Variants in ANK3 observed in about 807,000 individuals in gnomAD.
ANK3 encodes ankyrin 3.
ANK3 carries 57 observed loss-of-function variants against 370.9 expected under a neutral mutation model. That is an observed-to-expected ratio of 0.15 (90% confidence interval 0.12 to 0.19). The LOEUF is 0.19. Among genes scored for constraint, ANK3 ranks in the 10% least tolerant of loss-of-function variants. The pLI is 1.00. For synonymous variants in ANK3, 1,929 were observed against 1,946.3 expected, an observed-to-expected ratio of 0.99 and a Z score of 0.23; for missense variants, 4,439 against 5,302.1, an observed-to-expected ratio of 0.84 and a Z score of 5.06.
Position 60,075,541 on chromosome 10 carries a change from T to C in ANK3, c.5340A>G (p.Ser1780=). The change falls in exon 37 of 44, where the codon TCA becomes TCG. Residue 1780 remains serine, a synonymous_variant. Coordinates refer to ENST00000280772, the MANE Select transcript of ANK3 (RefSeq NM_020987.5). The part of the protein sequence containing the change: ...TTAMPFSPLR[S]YVSAAPSAFQ... ...AAGCTGATGGTGCTGCAGAAACATA[T>C]GACCTGAGTGGGGAAAATGGCATTG... 1 of 1,613,998 alleles carries C rather than the reference T, an allele frequency of 6.2e-7. No homozygotes were observed. The highest frequency in any genetic ancestry group is 8.5e-7 in the Non-Finnish European group (1 of 1,180,002).
At position 60,099,000 on chromosome 10, in the gene ANK3, T is replaced by G. The variant is rs576343207; in HGVS notation, c.3328+6905A>C. Among the ~76,000 whole-genome samples, 24 of 152,344 alleles carry G rather than the reference T, an allele frequency of 1.6e-4. 1 individual carries two copies. In the South Asian group the frequency reaches 4.8e-3, roughly 30 times the overall value. ...TTAAAGCTATTTTTAGAAGATTAAT[T>G]TTTAATCATTATGTGCTTATGAGAT... is the stretch of plus-strand genomic sequence containing the variant. On this transcript the variant is annotated intron_variant, in intron 28 of 43. Transcript: ENST00000280772.
intron 24 of ANK3, among the ~76,000 whole-genome samples, chr10:60,134,682 T>C (rs929477290): frequency 2.0e-5 from 3 of 152,204 alleles, no homozygotes; most frequent in African/African-American, 4.8e-5. Context: ...TGATTCTAGA[T>C]AGTTGACAGA....
intron 1 of ANK3, among the ~76,000 whole-genome samples, chr10:60,380,803 G>T (rs1313884050): frequency 6.6e-6 from 1 of 152,178 alleles, no homozygotes; most frequent in Non-Finnish European, 1.5e-5. Context: ...TAAGACAAGT[G>T]GGAGCGTTTG....
At chr10:60,437,862 T>G (rs1340504826) in intron 2 of ANK3, among the ~76,000 whole-genome samples, 1 of 152,172 alleles carries the variant, frequency 6.6e-6, no homozygotes, top group Non-Finnish European at 1.5e-5. Flanking sequence ...AAGTGAGACT[T>G]GATTTGAAGT....
At chr10:60,676,008 C>T (rs58862756) in intron 1 of ANK3, among the ~76,000 whole-genome samples, 7,974 of 151,948 alleles carry the variant, frequency 0.052, 293 homozygotes, top group African/African-American at 0.088. Flanking sequence ...TATATCTAAA[C>T]ACAGGCTCTC....
intron 34 of ANK3, 21 bp downstream of exon 34, chr10:60,082,594 T>C (rs1201970927): frequency 1.2e-6 from 2 of 1,609,720 alleles, no homozygotes; most frequent in Non-Finnish European, 1.7e-6. Flanking sequence ...AAAGACAATT[T>C]AAAGCAGTAT....
At chr10:60,176,194 AAC>A (rs1345673664) in intron 18 of ANK3, among the ~76,000 whole-genome samples, 1 of 141,546 alleles carries the variant, frequency 7.1e-6, no homozygotes, top group Non-Finnish European at 1.5e-5. Context: ...AAAAAAAAAA[AAC>A]AAAAAAAAAC....
intron 4 of ANK3, among the ~76,000 whole-genome samples, chr10:60,274,069 C>T (rs1335428598): frequency 2.0e-5 from 3 of 152,112 alleles, no homozygotes; most frequent in Admixed American, 6.6e-5. Flanking sequence ...TTAACATGGG[C>T]TCAAGCGATT....
At chr10:60,124,643 T>C (rs2093665229) in intron 25 of ANK3, among the ~76,000 whole-genome samples, 2 of 152,254 alleles carry the variant, frequency 1.3e-5, no homozygotes, top group Non-Finnish European at 2.9e-5. Flanking sequence ...CTTTGCAAAA[T>C]ACTTGTCTAC....
In ANK3 at chr10:60,407,754, TA is replaced by T. The variant is rs2063483531; in HGVS notation, c.97-128116del. 2.0e-5 allele frequency among the ~76,000 whole-genome samples: 3 copies of T among 152,208 alleles called. No individual in the cohort carries two copies. The South Asian group carries it at 6.2e-4, about 31-fold the overall frequency. On this transcript the variant is annotated intron_variant, in intron 2 of 43. Coordinates refer to the ANK3 transcript ENST00000373827. The stretch of plus-strand genomic sequence containing the variant: ...GGGCTCAGAAATGGCACAGATCAGA[TA>T]TAGCAAATTATCTGAAGACTGTCAA...
chr10:60,250,889 G>A (rs1213530711), intron 7 of ANK3, among the ~76,000 whole-genome samples: 1 of 152,190 alleles, frequency 6.6e-6, no homozygotes, highest in Non-Finnish European at 1.5e-5. Flanking sequence ...CAGAACACAA[G>A]AGGCTGCTGT....
rs752876086 is a variant in ANK3, at chr10:60,074,264, T to C, written c.6617A>G (p.Lys2206Arg). 26 of 1,614,134 alleles carry C rather than the reference T, an allele frequency of 1.6e-5. No homozygotes were observed. The highest frequency in any genetic ancestry group is 2.1e-5 in the Non-Finnish European group (25 of 1,180,004). ...PSPTFMELEP[K>R]PTTSSIKEKV... is the part of the protein sequence containing the mutation. ...TTCTTTAATACTAGAGGTGGTGGGC[T>C]TTGGTTCCAATTCCATAAAAGTAGG... The change falls in exon 37 of 44, where the codon AAG (lysine) becomes AGG (arginine). Residue 2206 changes from lysine (K) to arginine (R), a missense_variant. Physicochemically the swap from Lys to Arg is conservative, Grantham distance 26. Transcript: ENST00000280772.
At chr10:60,239,568 CA>C (rs2097392001) in intron 7 of ANK3, among the ~76,000 whole-genome samples, 1 of 151,888 alleles carries the variant, frequency 6.6e-6, no homozygotes, top group Non-Finnish European at 1.5e-5. Context: ...TTAAGGTAAA[CA>C]AAAGCTAAGA....
chr10:60,455,549 A>G (rs768839961), intron 2 of ANK3, among the ~76,000 whole-genome samples: 1 of 152,160 alleles, frequency 6.6e-6, no homozygotes, highest in African/African-American at 2.4e-5. Context: ...TTATATGTTC[A>G]TTGTTTAAAT....
In ANK3 at chr10:60,399,518, G is replaced by A. The variant is rs544655081; in HGVS notation, c.97-119879C>T. 7.2e-5 allele frequency among the ~76,000 whole-genome samples: 11 copies of A among 152,260 alleles called. 1 individual carries two copies. Among genetic ancestry groups the A allele is most frequent in the African/African-American group, 2.6e-4 (11 of 41,552 alleles). On this transcript the variant is annotated intron_variant, in intron 2 of 43. Transcript: ENST00000373827. ...TATTAAATTCTAGCGCAGATTGGCA[G>A]GGATACAAAACCAGGGCCATCGGAG... is the stretch of plus-strand genomic sequence containing the variant.
At chr10:60,394,576 A>G (rs2063177124), upstream of ANK3, among the ~76,000 whole-genome samples, 1 of 152,176 alleles carries the variant, frequency 6.6e-6, no homozygotes, top group Non-Finnish European at 1.5e-5. Context: ...AGGAACAGGC[A>G]CATGAGGAGG....
At chr10:60,491,088 T>C (rs2075488229) in intron 2 of ANK3, among the ~76,000 whole-genome samples, 1 of 152,252 alleles carries the variant, frequency 6.6e-6, no homozygotes, top group Non-Finnish European at 1.5e-5. Flanking sequence ...GATGTTCATC[T>C]ATGTTGTTGC....
At chr10:60,572,622 A>T in intron 2 of ANK3, 2 of 1,499,834 alleles carry the variant, frequency 1.3e-6, no homozygotes, top group South Asian at 2.6e-5. Context: ...TTGAGACCAA[A>T]GTCCATTTAC....
chr10:60,246,534 T>C (rs752408235), intron 7 of ANK3, among the ~76,000 whole-genome samples: 4 of 152,200 alleles, frequency 2.6e-5, no homozygotes, highest in Non-Finnish European at 2.9e-5. Context: ...CTCACTGCTC[T>C]CAGAGAGACC....
Sources: gnomAD v4.1 joint callset for allele counts (sites outside exome capture counted in the v4.1 genomes callset) on GRCh38, gnomAD v4.1.1 for gene constraint, MANE v1.5 for transcripts, NCBI Gene and HGNC (gene_info 2026-07-23, HGNC 2026-07-21) for gene names.